PCDH1: variants seen among roughly 807,000 people sequenced by gnomAD.
PCDH1 encodes protocadherin-1.
In PCDH1, 23 loss-of-function variants were observed where a neutral mutation model predicts 74.6. The observed-to-expected ratio is 0.31, with a 90% CI of 0.22 to 0.44. The LOEUF is 0.44. Among genes scored for constraint, PCDH1 ranks in the 20% least tolerant of loss-of-function variants. The pLI, the probability that PCDH1 is intolerant of heterozygous loss-of-function variation, is 1.00. For missense variants in PCDH1, 1,214 were observed against 1,641.4 expected (o/e 0.74, Z 4.50); for synonymous variants, 647 against 686.1 (o/e 0.94, Z 0.89).
At position 141,854,324 on chromosome 5, in the gene PCDH1, C is replaced by T; in HGVS notation, c.3432G>A (p.Arg1144=). The T allele has an allele frequency of 6.2e-7, 1 of 1,613,922 alleles. No individual in the cohort carries two copies. Among genetic ancestry groups the T allele is most frequent in the South Asian group, 1.1e-5 (1 of 91,068 alleles). Reference sequence around the variant, plus strand: ...AGAGTTTGAGGGCGCTGCTCTTGGTCCGGCGGCTGGGAGATGACTGGCCAG... The same window carrying T: ...AGAGTTTGAGGGCGCTGCTCTTGGTTCGGCGGCTGGGAGATGACTGGCCAG... ...WMPGQSSPSR[R]TKSSALKLST... is the part of the protein sequence containing the mutation. The change falls in exon 5 of 5, where the codon CGG becomes CGA. Residue 1144 remains arginine, a synonymous_variant. Transcript: ENST00000287008.
At chr5:141,876,914 C>A (rs554369962) in intron 1 of PCDH1, among the ~76,000 whole-genome samples, 2 of 152,350 alleles carry the variant, frequency 1.3e-5, no homozygotes, top group Non-Finnish European at 2.9e-5. Context: ...GGCCCCAGAG[C>A]TCCGGGGAGG....
chr5:141,853,799 A>C lies in PCDH1; in HGVS notation c.*243T>G. 3.9e-5 allele frequency: 15 copies of C among 388,650 alleles called. No homozygotes were observed. Among genetic ancestry groups the C allele is most frequent in the East Asian group, 1.5e-4 (4 of 26,828 alleles). 24.1% of individuals were successfully genotyped at this position (388,650 alleles called of 1,614,324 possible). ...TCATTGCAGAGGAGCCCTCTTGGGCATCAGATGGGGGAAGCCCCATAAAGG... is the reference window on the plus strand; with the variant it reads ...TCATTGCAGAGGAGCCCTCTTGGGCCTCAGATGGGGGAAGCCCCATAAAGG... On this transcript the variant is annotated 3_prime_UTR_variant, in exon 5 of 5. Transcript: ENST00000287008.
chr5:141,864,353 T>C lies in PCDH1; in HGVS notation c.1978A>G (p.Ile660Val), dbSNP rs755930699. ...SVEQDNGDFV[I>V]QNGTGTILSS... is the part of the protein sequence containing the mutation. ...AGGATGGTGCCTGTGCCATTCTGGA[T>C]AACAAAGTCACCGTTGTCCTGCTCC... The change falls in exon 3 of 5, where the codon ATC (isoleucine) becomes GTC (valine). Residue 660 changes from isoleucine (I) to valine (V), a missense_variant. Physicochemically the swap from Ile to Val is conservative, Grantham distance 29. This residue lies in a region of PCDH1 where 836 missense variants were observed against 1,182.2 expected (regional missense o/e 0.71). Transcript: ENST00000287008. The surrounding 1 kb of genome is among the most constrained non-coding windows in gnomAD (Gnocchi z 5.9). 1.2e-6 allele frequency: 2 copies of C among 1,614,094 alleles called. No individual in the cohort carries two copies. The highest frequency in any genetic ancestry group is 2.2e-5 in the South Asian group (2 of 91,084).
At chr5:141,875,611 C>G (rs938893763) in intron 1 of PCDH1, among the ~76,000 whole-genome samples, 1 of 152,080 alleles carries the variant, frequency 6.6e-6, no homozygotes, top group African/African-American at 2.4e-5. Flanking sequence ...CAGCAGCAGC[C>G]CCTCTGCTAA....
chr5:141,868,762 T>A lies in PCDH1; in HGVS notation c.710A>T (p.Asn237Ile), dbSNP rs989994247. 6 of 1,614,080 alleles carry A rather than the reference T, an allele frequency of 3.7e-6. No homozygotes were observed. Among genetic ancestry groups the A allele is most frequent in the Non-Finnish European group, 5.1e-6 (6 of 1,180,036 alleles). The change falls in exon 2 of 5, where the codon AAC becomes ATC. Residue 237 changes from asparagine to isoleucine, a missense_variant. Around this residue, in one of 4 missense-constraint regions of PCDH1, gnomAD observed 836 missense variants for 1,182.2 expected, o/e 0.71. Transcript: ENST00000287008. This position sits in a 1 kb window ranked among gnomAD's most constrained non-coding sequence, Gnocchi z 4.8. ...EKQPQLIVMG[N>I]LDRERWDSYD... is the part of the protein sequence containing the mutation. ...GGAGTCCCAGCGCTCACGGTCCAGGTTGCCCATCACAATGAGCTGTGGTTG... is the reference window on the plus strand; with the variant it reads ...GGAGTCCCAGCGCTCACGGTCCAGGATGCCCATCACAATGAGCTGTGGTTG...
intron 2 of PCDH1, among the ~76,000 whole-genome samples, chr5:141,867,903 G>A (rs1752919653): frequency 6.6e-6 from 1 of 152,200 alleles, no homozygotes; most frequent in Non-Finnish European, 1.5e-5. Flanking sequence ...CTAGCGCCTG[G>A]GGCAGTTCCC....
intron 3 of PCDH1, among the ~76,000 whole-genome samples, chr5:141,857,897 C>A (rs1269577687): frequency 6.6e-6 from 1 of 152,068 alleles, no homozygotes; most frequent in African/African-American, 2.4e-5. Context: ...TAATACCACC[C>A]GACTCCCCTA....
At chr5:141,859,435 A>C (rs1451655468) in intron 3 of PCDH1, among the ~76,000 whole-genome samples, 1 of 152,162 alleles carries the variant, frequency 6.6e-6, no homozygotes, top group Non-Finnish European at 1.5e-5. Context: ...CCAGATCAAA[A>C]AATCTCTCTC....
rs1395473846 is a variant in PCDH1, at chr5:141,857,303, C to T, written c.3268G>A (p.Glu1090Lys). The change falls in exon 4 of 5, where the codon GAG (glutamate) becomes AAG (lysine). Residue 1090 changes from glutamate (E) to lysine (K), a missense_variant. Coordinates refer to ENST00000287008, the MANE Select transcript of PCDH1 (RefSeq NM_032420.5). Reference sequence around the variant, plus strand: ...ATGCTGCCATCAGGGGTGGTGCGCTCATAGTGATCCTCAGGCAGGGCCAGG... The same window carrying T: ...ATGCTGCCATCAGGGGTGGTGCGCTTATAGTGATCCTCAGGCAGGGCCAGG... ...GPLALPEDHY[E>K]RTTPDGSIGE... The T allele has an allele frequency of 6.2e-7, 1 of 1,612,608 alleles. No individual in the cohort carries two copies. Among genetic ancestry groups the T allele is most frequent in the Admixed American group, 1.7e-5 (1 of 59,952 alleles).
chr5:141,858,576 A>G (rs2126807040), intron 3 of PCDH1, among the ~76,000 whole-genome samples: 1 of 152,270 alleles, frequency 6.6e-6, no homozygotes, highest in East Asian at 1.9e-4. Context: ...TATGCCTGCC[A>G]CAGGTTAACG....
rs1752694449 is a variant in PCDH1, at chr5:141,863,988, C to T, written c.2343G>A (p.Glu781=). ...SGAITLEKEI[E]RRHHGLHRLV... is the part of the protein sequence containing the mutation. Reference sequence around the variant, plus strand: ...GGCGGTGTAGCCCATGGTGGCGCCGCTCAATCTCCTTCTCCAGGGTGATGG... The same window carrying T: ...GGCGGTGTAGCCCATGGTGGCGCCGTTCAATCTCCTTCTCCAGGGTGATGG... Residue 781 remains glutamate (E), a synonymous_variant, in exon 3 of 5, where the codon GAG becomes GAA. Coordinates refer to ENST00000287008, the MANE Select transcript of PCDH1 (RefSeq NM_032420.5). This position sits in a 1 kb window ranked among gnomAD's most constrained non-coding sequence, Gnocchi z 7.5. The T allele has an allele frequency of 6.2e-7, 1 of 1,613,870 alleles. No homozygotes were observed. Among genetic ancestry groups the T allele is most frequent in the South Asian group, 1.1e-5 (1 of 91,088 alleles).
chr5:141,854,906 A>T (rs1752270980), intron 4 of PCDH1, among the ~76,000 whole-genome samples: 1 of 151,496 alleles, frequency 6.6e-6, no homozygotes, highest in Non-Finnish European at 1.5e-5. Flanking sequence ...TCCTGACCTC[A>T]GGTGATCCAC....
intron 2 of PCDH1, among the ~76,000 whole-genome samples, chr5:141,867,272 C>G (rs922884918): frequency 6.6e-6 from 1 of 152,142 alleles, no homozygotes; most frequent in African/African-American, 2.4e-5. Flanking sequence ...CCCTGCTGAC[C>G]TCTCTGCTTA....
Position 141,854,100 on chromosome 5 carries a change from A to T in PCDH1, c.3656T>A (p.Phe1219Tyr), listed in dbSNP as rs935749037. The change falls in exon 5 of 5, where the codon TTC becomes TAC. Residue 1219 changes from phenylalanine to tyrosine, a missense_variant. Phe to Tyr is a conservative substitution (Grantham distance 22, BLOSUM62 3). Around this residue, in one of 4 missense-constraint regions of PCDH1, gnomAD observed 194 missense variants for 198.3 expected, o/e 0.98. Coordinates refer to ENST00000287008, the MANE Select transcript of PCDH1 (RefSeq NM_032420.5). Reference protein sequence around the residue: ...EEIPLTQTSDFPPAATPASAQ... With the variant: ...EEIPLTQTSDYPPAATPASAQ... ...AGATGCCGGTGTGGCTGCGGGTGGG[A>T]AGTCCGAGGTCTGGGTCAGGGGGAT... 3 of 1,555,288 alleles carry T rather than the reference A, an allele frequency of 1.9e-6. No individual in the cohort carries two copies. The African/African-American group carries it at 4.1e-5, about 21-fold the overall frequency.
intron 1 of PCDH1, among the ~76,000 whole-genome samples, chr5:141,876,580 T>C (rs924448749): frequency 1.3e-5 from 2 of 152,136 alleles, no homozygotes; most frequent in Non-Finnish European, 2.9e-5. Context: ...CGACCACTGT[T>C]GGGGAAACTG....
intron 4 of PCDH1, chr5:141,856,133 G>A (rs1752326604): frequency 8.0e-7 from 1 of 1,249,102 alleles, no homozygotes; most frequent in Non-Finnish European, 1.1e-6. Flanking sequence ...GACGCAACAT[G>A]GCTCAGAGCA....
In PCDH1 at chr5:141,864,471, T is replaced by A. The variant is rs1596553407; in HGVS notation, c.1860A>T (p.Ser620=). 6.2e-7 allele frequency: 1 copy of A among 1,613,906 alleles called. No homozygotes were observed. The highest frequency in any genetic ancestry group is 2.2e-5 in the East Asian group (1 of 44,866). ...PKFMLSGYNF[S]VMENMPALSP... ...TCAGTGCTGGCATGTTCTCCATCAC[T>A]GAGAAGTTGTAGCCACTCAGCATAA... is the stretch of plus-strand genomic sequence containing the variant. Residue 620 remains serine, a synonymous_variant, in exon 3 of 5, where the codon TCA becomes TCT. Coordinates refer to ENST00000287008, the MANE Select transcript of PCDH1 (RefSeq NM_032420.5). This position sits in a 1 kb window ranked among gnomAD's most constrained non-coding sequence, Gnocchi z 5.9.
At chr5:141,856,080 C>A in intron 4 of PCDH1, 3 of 778,442 alleles carry the variant, frequency 3.9e-6, no homozygotes, top group Non-Finnish European at 4.2e-6. Context: ...CTGTTGTTAA[C>A]CCTCAAAGTG....
At chr5:141,874,219 G>T (rs2126832976) in intron 1 of PCDH1, among the ~76,000 whole-genome samples, 1 of 152,326 alleles carries the variant, frequency 6.6e-6, no homozygotes, top group Non-Finnish European at 1.5e-5. Flanking sequence ...GGGGCCCGTA[G>T]AAATGCAGGA....
Sources: allele counts gnomAD v4.1 joint callset (sites outside exome capture counted in the v4.1 genomes callset), GRCh38; gene constraint gnomAD v4.1.1; regional missense constraint gnomAD v4.1.1; non-coding constraint Gnocchi (gnomAD v3.1); transcripts MANE v1.5; gene names NCBI Gene and HGNC (gene_info 2026-07-23, HGNC 2026-07-21).